The following MAML3 variants were observed in gnomAD, a reference collection of about 807,000 sequenced individuals.
The protein encoded by MAML3 is mastermind-like protein 3.
Under a neutral mutation model 101.9 loss-of-function variants are expected in MAML3, and 27 were observed. That is an observed-to-expected ratio of 0.27 (90% CI 0.20 to 0.37). The LOEUF is 0.37. Ranked by LOEUF, MAML3 falls within the 10% of genes least tolerant of loss-of-function variation. MAML3 has a pLI of 1.00. For missense variants in MAML3, 1,316 were observed against 1,444.9 expected, an observed-to-expected ratio of 0.91 and a Z score of 1.45; for synonymous variants, 501 against 555.9, an observed-to-expected ratio of 0.90 and a Z score of 1.39.
At chr4:139,918,418 G>T (rs551927106) in intron 1 of MAML3, among the ~76,000 whole-genome samples, 1 of 152,072 alleles carries the variant, frequency 6.6e-6, no homozygotes, top group African/African-American at 2.4e-5. Context: ...TCTCCACGTG[G>T]AACACGCTTA....
At chr4:139,835,754 T>G (rs1326225845) in intron 2 of MAML3, among the ~76,000 whole-genome samples, 1 of 152,166 alleles carries the variant, frequency 6.6e-6, no homozygotes, top group Non-Finnish European at 1.5e-5. Context: ...TCCCCCAAAG[T>G]TTCATATAAC....
chr4:139,746,920 C>T (rs528506287), intron 2 of MAML3, among the ~76,000 whole-genome samples: 12 of 152,202 alleles, frequency 7.9e-5, no homozygotes, highest in African/African-American at 2.9e-4. Context: ...GTCTGCTGTC[C>T]TGGACTAGGC....
chr4:139,925,458 GA>G (rs1299993372), intron 1 of MAML3, among the ~76,000 whole-genome samples: 2 of 152,152 alleles, frequency 1.3e-5, no homozygotes, highest in Non-Finnish European at 2.9e-5. Flanking sequence ...TCGAACTCCT[GA>G]CCTCAGGCAA....
intron 1 of MAML3, among the ~76,000 whole-genome samples, chr4:139,989,053 C>T (rs1578631205): frequency 6.6e-6 from 1 of 152,274 alleles, no homozygotes; most frequent in Admixed American, 6.5e-5. Context: ...TACTAAATTG[C>T]AAGTCGCCTC....
intron 1 of MAML3, among the ~76,000 whole-genome samples, chr4:139,907,482 G>T (rs1299483789): frequency 6.6e-6 from 1 of 152,146 alleles, no homozygotes; most frequent in African/African-American, 2.4e-5. Context: ...TTCTGCCAAG[G>T]TTTCTTGACT....
At chr4:140,055,345 C>A (rs1056592424) in intron 1 of MAML3, among the ~76,000 whole-genome samples, 1 of 152,150 alleles carries the variant, frequency 6.6e-6, no homozygotes, top group African/African-American at 2.4e-5. Flanking sequence ...AAACCACCAG[C>A]ACTAACCTGA....
intron 1 of MAML3, among the ~76,000 whole-genome samples, chr4:139,922,943 A>G (rs1733154732): frequency 6.6e-6 from 1 of 152,206 alleles, no homozygotes; most frequent in South Asian, 2.1e-4. Context: ...GTTTGAGGAC[A>G]GAGTGCTTGC....
chr4:140,140,127 G>T lies in MAML3; in HGVS notation c.468+12733C>A, dbSNP rs1728955882. Among the ~76,000 whole-genome samples the T allele has an allele frequency of 3.3e-5, 5 of 152,090 alleles. No homozygotes were observed. The South Asian group carries it at 1.0e-3, about 32-fold the overall frequency. On this transcript the variant is annotated intron_variant, in intron 1 of 4. Coordinates refer to ENST00000509479, the MANE Select transcript of MAML3 (RefSeq NM_018717.5). ...TCACGAGGTCAGGAGTTCGAGACCA[G>T]CCTGGCCAGTATGGTGAAACCCTGT...
At chr4:140,035,886 C>T (rs771766648) in intron 1 of MAML3, among the ~76,000 whole-genome samples, 4 of 152,136 alleles carry the variant, frequency 2.6e-5, no homozygotes, top group African/African-American at 4.8e-5. Flanking sequence ...TAATTCCCTT[C>T]GGAACACATT....
chr4:140,087,163 A>G (rs543789476), intron 1 of MAML3, among the ~76,000 whole-genome samples: 1 of 152,230 alleles, frequency 6.6e-6, no homozygotes, highest in Non-Finnish European at 1.5e-5. Context: ...ATCTCAAAAA[A>G]GAAAATACAA....
intron 1 of MAML3, among the ~76,000 whole-genome samples, chr4:140,011,233 CATAT>C (rs70943468): frequency 1.6e-4 from 19 of 119,918 alleles, no homozygotes; most frequent in Non-Finnish European, 3.2e-4. Context: ...ATAAAGTGTG[CATAT>C]ATATATATAT....
At chr4:139,888,410 T>C (rs757254571) in intron 2 of MAML3, among the ~76,000 whole-genome samples, 1 of 152,216 alleles carries the variant, frequency 6.6e-6, no homozygotes, top group Non-Finnish European at 1.5e-5. Context: ...GCACAGCAAC[T>C]GGCAGTAAGA....
chr4:139,962,600 C>T (rs1264456560), intron 1 of MAML3, among the ~76,000 whole-genome samples: 2 of 152,174 alleles, frequency 1.3e-5, no homozygotes, highest in African/African-American at 4.8e-5. Flanking sequence ...AATACAACTT[C>T]GGTCAAAAAG....
intron 1 of MAML3, among the ~76,000 whole-genome samples, chr4:140,101,034 TTGCCAAGG>T: frequency 6.6e-6 from 1 of 152,224 alleles, no homozygotes; most frequent in African/African-American, 2.4e-5. Context: ...CCAGGCATCC[TTGCCAAGG>T]TGCCAGGAAG....
At chr4:139,744,088 C>T (rs951422169) in intron 2 of MAML3, among the ~76,000 whole-genome samples, 3 of 152,180 alleles carry the variant, frequency 2.0e-5, no homozygotes, top group Non-Finnish European at 4.4e-5. Context: ...TAGTCAGATG[C>T]ACAAACACCT....
chr4:139,791,327 T>A (rs1328045420), intron 2 of MAML3, among the ~76,000 whole-genome samples: 1 of 152,008 alleles, frequency 6.6e-6, no homozygotes, highest in East Asian at 1.9e-4. Context: ...CAAAAGCCCA[T>A]CTCTACTAAA....
intron 4 of MAML3, among the ~76,000 whole-genome samples, chr4:139,724,934 A>C (rs1219922525): frequency 1.3e-5 from 2 of 151,950 alleles, no homozygotes; most frequent in East Asian, 3.9e-4. Flanking sequence ...AATTTTTTGC[A>C]TTTTTAGAGA....
chr4:139,722,478 G>A (rs1000828683), intron 4 of MAML3, among the ~76,000 whole-genome samples: 1 of 151,604 alleles, frequency 6.6e-6, no homozygotes, highest in African/African-American at 2.4e-5. Context: ...TCTTTTTTTG[G>A]TCTAAAGCAG....
chr4:140,143,517 C>T (rs907357595), intron 1 of MAML3, among the ~76,000 whole-genome samples: 1 of 152,166 alleles, frequency 6.6e-6, no homozygotes, highest in East Asian at 1.9e-4. Context: ...AATCCTAGCA[C>T]TTTGGAAGGC....
Sources: allele counts gnomAD v4.1 joint callset (sites outside exome capture counted in the v4.1 genomes callset), GRCh38; gene constraint gnomAD v4.1.1; transcripts MANE v1.5; gene names NCBI Gene and HGNC (gene_info 2026-07-23, HGNC 2026-07-21).